Variants in TMEM245 observed in about 807,000 individuals in gnomAD.
TMEM245 encodes transmembrane protein 245, also known as protein CG-2.
In TMEM245, 69 loss-of-function variants were observed where a neutral mutation model predicts 101.2. The ratio of observed to expected loss-of-function variants is 0.68; its 90% CI spans 0.56 to 0.83. The LOEUF (loss-of-function observed/expected upper bound fraction) is 0.83. TMEM245 is among the 40% of genes least tolerant of loss of function. The pLI is 0.00. For synonymous variants in TMEM245, 537 were observed against 449.8 expected, an observed-to-expected ratio of 1.19 and a Z score of -2.45; for missense variants, 1,075 against 1,092.8, an observed-to-expected ratio of 0.98 and a Z score of 0.23.
Position 109,062,107 on chromosome 9 carries a change from C to T in TMEM245, c.1624-1655G>A, listed in dbSNP as rs1337590255. Among the ~76,000 whole-genome samples the T allele has an allele frequency of 2.6e-5, 4 of 152,116 alleles. No individual in the cohort carries two copies. The South Asian group carries it at 6.2e-4, about 24-fold the overall frequency. ...GAAGCCTGGACCTCCCAGACTCAAG[C>T]GATCCTGCCACCTAAGACAGCCAAG... On this transcript the variant is annotated intron_variant, in intron 10 of 17. Transcript: ENST00000374586.
intron 8 of TMEM245, 92 bp downstream of exon 8, chr9:109,080,747 A>G: frequency 1.3e-6 from 1 of 783,110 alleles, no homozygotes; most frequent in Non-Finnish European, 2.1e-6. Flanking sequence ...TCAAGTTAAC[A>G]TTTTCCATGC....
chr9:109,101,853 T>C (rs960591529), intron 3 of TMEM245, among the ~76,000 whole-genome samples: 1 of 152,222 alleles, frequency 6.6e-6, no homozygotes, highest in African/African-American at 2.4e-5. Context: ...AAATTGGTCT[T>C]AGAAGTCTTA....
At position 109,036,218 on chromosome 9, in the gene TMEM245, G is replaced by A. The variant is rs2919823; in HGVS notation, c.2387C>T (p.Ser796Phe). Residue 796 changes from serine (S) to phenylalanine (F), a missense_variant, in exon 16 of 18, where the codon TCT (serine) becomes TTT (phenylalanine). By Grantham distance (155) the Ser-to-Phe change is radical (BLOSUM62 -2). Transcript: ENST00000374586. ...GTGGCTTACTTACCCTGATATGTCA[G>A]AGTAGATTGCAGTATCTACAAAGTA... is the stretch of plus-strand genomic sequence containing the variant. Reference protein sequence around the residue: ...PTYFVDTAIYSDISGGGHPYL... With the variant: ...PTYFVDTAIYFDISGGGHPYL... 1.2e-6 allele frequency: 2 copies of A among 1,608,214 alleles called. No homozygotes were observed. The highest frequency in any genetic ancestry group is 1.7e-6 in the Non-Finnish European group (2 of 1,178,686).
At chr9:109,073,524 A>C in intron 8 of TMEM245, 86 bp from the exon 9 acceptor site, 2 of 1,025,704 alleles carry the variant, frequency 1.9e-6, no homozygotes, top group Admixed American at 2.1e-5. Context: ...TATTGGAACA[A>C]TGCTTTGAGA....
intron 16 of TMEM245, among the ~76,000 whole-genome samples, chr9:109,035,508 A>C (rs1049808557): frequency 6.6e-6 from 1 of 152,172 alleles, no homozygotes. Flanking sequence ...CATTCCAATT[A>C]TATCTTTAGA....
At chr9:109,106,001 T>C (rs1035298951) in intron 3 of TMEM245, among the ~76,000 whole-genome samples, 2 of 152,176 alleles carry the variant, frequency 1.3e-5, no homozygotes, top group African/African-American at 4.8e-5. Flanking sequence ...CTCGAACTCC[T>C]GACCTCGTGA....
At chr9:109,034,105 A>T (rs150738628) in intron 16 of TMEM245, among the ~76,000 whole-genome samples, 1 of 152,244 alleles carries the variant, frequency 6.6e-6, no homozygotes, top group African/African-American at 2.4e-5. Context: ...CACTTATGTA[A>T]GCGGAATGAA....
rs752369432 is a variant in TMEM245 at position 109,119,780 on chromosome 9, C to A, written c.134G>T (p.Arg45Leu). The change falls in exon 1 of 18, where the codon CGC becomes CTC. Residue 45 changes from arginine (R) to leucine (L), a missense_variant. By Grantham distance (102) the Arg-to-Leu change is moderately radical (BLOSUM62 -2). Transcript: ENST00000374586. Reference sequence around the variant, plus strand: ...GGCCTGCTTAATGGGCTTGTCGAAGCGCAGCGCCAGCGCCGCGGTCCGCGG... The same window carrying A: ...GGCCTGCTTAATGGGCTTGTCGAAGAGCAGCGCCAGCGCCGCGGTCCGCGG... ...ETPRTAALAL[R>L]FDKPIKQAFY... is the part of the protein sequence containing the mutation. 1 of 1,481,700 alleles carries A rather than the reference C, an allele frequency of 6.7e-7. No homozygotes were observed. The highest frequency in any genetic ancestry group is 2.3e-5 in the Admixed American group (1 of 43,874). 91.8% of individuals were successfully genotyped at this position (1,481,700 alleles called of 1,614,324 possible). A position where few individuals can be genotyped will look rare whatever the true frequency, so the allele number is the denominator to read the frequency against.
chr9:109,028,438 G>A (rs898843304), intron 17 of TMEM245, among the ~76,000 whole-genome samples: 1 of 141,698 alleles, frequency 7.1e-6, no homozygotes, highest in Non-Finnish European at 1.5e-5. Context: ...TGGGTGACAA[G>A]AGTGACACTC....
chr9:109,042,164 C>G (rs1421578261), intron 14 of TMEM245, among the ~76,000 whole-genome samples: 1 of 152,096 alleles, frequency 6.6e-6, no homozygotes, highest in East Asian at 1.9e-4. Flanking sequence ...CAAACCAAAA[C>G]TTTCCGGTAT....
chr9:109,036,226 T>G lies in TMEM245; in HGVS notation c.2379A>C (p.Ala793=), dbSNP rs1189462774. 6.2e-7 allele frequency: 1 copy of G among 1,611,582 alleles called. No homozygotes were observed. Among genetic ancestry groups the G allele is most frequent in the Non-Finnish European group, 8.5e-7 (1 of 1,179,576 alleles). ...HLLPTYFVDT[A]IYSDISGGGH... ...CTTACCCTGATATGTCAGAGTAGAT[T>G]GCAGTATCTACAAAGTATGTTGGCA... The change falls in exon 16 of 18, where the codon GCA becomes GCC. Residue 793 remains alanine, a synonymous_variant. Coordinates refer to ENST00000374586, the MANE Select transcript of TMEM245 (RefSeq NM_032012.4).
intron 7 of TMEM245, among the ~76,000 whole-genome samples, chr9:109,084,309 T>C (rs916484785): frequency 6.6e-6 from 1 of 152,162 alleles, no homozygotes; most frequent in African/African-American, 2.4e-5. Context: ...TTTCTTGGAA[T>C]GTACCCGCTC....
Position 109,119,701 on chromosome 9 carries a change from C to A in TMEM245, c.213G>T (p.Val71=). 6.5e-7 allele frequency: 1 copy of A among 1,550,098 alleles called. No homozygotes were observed. Among genetic ancestry groups the A allele is most frequent in the Non-Finnish European group, 8.7e-7 (1 of 1,151,732 alleles). Reference sequence around the variant, plus strand: ...AGGCCTCCAGGATGAAGTAGACCAGCACCGCGGCGCCGCAGCACAGGCACA... The same window carrying A: ...AGGCCTCCAGGATGAAGTAGACCAGAACCGCGGCGCCGCAGCACAGGCACA... The part of the protein sequence containing the change: ...LFVCLCCGAA[V]LVYFILEAFL... The change falls in exon 1 of 18, where the codon GTG becomes GTT. Residue 71 remains valine, a synonymous_variant. Coordinates refer to ENST00000374586, the MANE Select transcript of TMEM245 (RefSeq NM_032012.4).
Position 109,108,580 on chromosome 9 carries a change from A to G in TMEM245, c.580-10T>C. On this transcript the variant is annotated splice_polypyrimidine_tract_variant and intron_variant, in intron 1 of 17. Transcript: ENST00000374586. ...CCACCAACGTCCAGATCTTAAATAA[A>G]TGAAAGACACAGCTGTAAAATCTAT... 2 of 1,571,416 alleles carry G rather than the reference A, an allele frequency of 1.3e-6. No homozygotes were observed. The highest frequency in any genetic ancestry group is 1.4e-5 in the African/African-American group (1 of 73,074).
rs1441201678 is a variant in TMEM245 at position 109,119,515 on chromosome 9, G to A, written c.399C>T (p.Tyr133=). 2.0e-6 allele frequency: 3 copies of A among 1,522,964 alleles called. No homozygotes were observed. The highest frequency in any genetic ancestry group is 1.2e-5 in the South Asian group (1 of 82,856). The allele number at this position is 1,522,964 out of a possible 1,614,324, so 94.3% of individuals were successfully genotyped here. Residue 133 remains tyrosine (Y), a synonymous_variant, in exon 1 of 18, where the codon TAC becomes TAT. Coordinates refer to ENST00000374586, the MANE Select transcript of TMEM245 (RefSeq NM_032012.4). ...ALLLPLCFVD[Y]GVEALGEQAL... ...CCTGCTCGCCCAGGGCCTCGACGCC[G>A]TAGTCGACGAAGCAGAGCGGCAGGA...
At chr9:109,102,292 CAGAG>C (rs941256055) in intron 3 of TMEM245, among the ~76,000 whole-genome samples, 13 of 152,036 alleles carry the variant, frequency 8.6e-5, no homozygotes, top group Non-Finnish European at 1.5e-4. Context: ...TTTCCACTGT[CAGAG>C]AGATATATAG....
intron 14 of TMEM245, 111 bp downstream of exon 14, chr9:109,050,172 T>A: frequency 8.3e-7 from 1 of 1,207,136 alleles, no homozygotes; most frequent in South Asian, 1.5e-5. Flanking sequence ...AATACCAGAG[T>A]CCATCACGAG....
At chr9:109,117,409 C>T (rs1056793011) in intron 1 of TMEM245, among the ~76,000 whole-genome samples, 2 of 152,158 alleles carry the variant, frequency 1.3e-5, no homozygotes, top group African/African-American at 2.4e-5. Context: ...TGAGCCACCG[C>T]GCCCGGCCAA....
intron 4 of TMEM245, among the ~76,000 whole-genome samples, chr9:109,092,406 C>T (rs1260441608): frequency 6.6e-6 from 1 of 152,208 alleles, no homozygotes; most frequent in Non-Finnish European, 1.5e-5. Context: ...AGTCAGCTCA[C>T]CTCACTAGGA....
Sources: gnomAD v4.1 joint callset for allele counts (sites outside exome capture counted in the v4.1 genomes callset) on GRCh38, gnomAD v4.1.1 for gene constraint, MANE v1.5 for transcripts, NCBI Gene and HGNC (gene_info 2026-07-23, HGNC 2026-07-21) for gene names.